Variants in PEX11G observed in about 807,000 individuals in gnomAD.
PEX11G encodes peroxisomal membrane protein 11C.
In PEX11G, 20 loss-of-function variants were observed where a neutral mutation model predicts 22.5. The observed-to-expected ratio is 0.89, with a 90% CI of 0.62 to 1.29. The LOEUF (loss-of-function observed/expected upper bound fraction) is 1.29, where lower values mean the gene tolerates loss of function less well. PEX11G is among the 50% of genes most tolerant of loss of function. PEX11G has a pLI of 0.00. For missense variants in PEX11G, 347 were observed against 331.3 expected, an observed-to-expected ratio of 1.05 and a Z score of -0.37; for synonymous variants, 141 against 154.5, an observed-to-expected ratio of 0.91 and a Z score of 0.65.
chr19:7,483,049 C>G (rs1486562192), intron 2 of PEX11G, among the ~76,000 whole-genome samples: 1 of 152,170 alleles, frequency 6.6e-6, no homozygotes, highest in Non-Finnish European at 1.5e-5. Flanking sequence ...GCCCCGCAGC[C>G]AACCGGGGGA....
chr19:7,481,146 C>T (rs575830584), intron 3 of PEX11G, among the ~76,000 whole-genome samples: 1 of 152,154 alleles, frequency 6.6e-6, no homozygotes, highest in African/African-American at 2.4e-5. Context: ...TGTCCTGAAC[C>T]TGTCAACATG....
upstream of PEX11G, among the ~76,000 whole-genome samples, chr19:7,493,763 T>C (rs1185847654): frequency 4.0e-5 from 6 of 150,684 alleles, no homozygotes; most frequent in African/African-American, 1.5e-4. Flanking sequence ...CCCAATACTT[T>C]GGGAGGCCAA....
At chr19:7,490,327 A>AT (rs557189344), upstream of PEX11G, among the ~76,000 whole-genome samples, 58 of 146,004 alleles carry the variant, frequency 4.0e-4, no homozygotes, top group South Asian at 1.3e-3. Flanking sequence ...TCCCTTGTTA[A>AT]TTTTTTTTTT....
At chr19:7,489,350 G>C, upstream of PEX11G, 1 of 1,098,022 alleles carries the variant, frequency 9.1e-7, no homozygotes, top group Non-Finnish European at 1.1e-6. Context: ...CCACCAACCT[G>C]TTCGCAGTGG....
chr19:7,478,835 A>G (rs1307505349), intron 3 of PEX11G, among the ~76,000 whole-genome samples: 1 of 152,162 alleles, frequency 6.6e-6, no homozygotes, highest in Non-Finnish European at 1.5e-5. Flanking sequence ...CCCCCTGCAC[A>G]CACACCCCGG....
chr19:7,487,047 A>G (rs2021693109), intron 1 of PEX11G, among the ~76,000 whole-genome samples: 1 of 151,492 alleles, frequency 6.6e-6, no homozygotes, highest in African/African-American at 2.4e-5. Context: ...ACCCTGTCTA[A>G]AAAAAGAAAA....
chr19:7,494,332 C>T (rs540635596), intron 1 of PEX11G, among the ~76,000 whole-genome samples: 4 of 152,236 alleles, frequency 2.6e-5, no homozygotes, highest in African/African-American at 4.8e-5. Flanking sequence ...GTGGAGGTTG[C>T]AGTGAACCGA....
chr19:7,477,578 G>A (rs1977281257), intron 4 of PEX11G, 142 bp from the exon 5 acceptor site: 2 of 643,304 alleles, frequency 3.1e-6, no homozygotes, highest in Admixed American at 7.8e-5. Context: ...TGGCCTCCCT[G>A]ACCATCCACA....
At position 7,478,215 on chromosome 19, in the gene PEX11G, C is replaced by T. The variant is rs1025174103; in HGVS notation, c.491+99G>A. On this transcript the variant is annotated intron_variant, in intron 4 of 4. Transcript: ENST00000221480. ...TGACTCCCCCATGACCTGAGCACAA[C>T]AGTCCCCAGCATGGGCCTGCACAGG... 5.0e-5 allele frequency: 66 copies of T among 1,315,924 alleles called. No individual in the cohort carries two copies. In the Admixed American group the frequency reaches 6.0e-4, roughly 12 times the overall value. 81.5% of individuals were successfully genotyped at this position (1,315,924 alleles called of 1,614,324 possible).
intron 2 of PEX11G, among the ~76,000 whole-genome samples, chr19:7,482,501 G>A (rs562578669): frequency 3.5e-4 from 53 of 152,314 alleles, no homozygotes; most frequent in Admixed American, 1.3e-3. Flanking sequence ...AATGCCAGCC[G>A]TGAGGATTCT....
chr19:7,488,818 T>G, intron 1 of PEX11G, 133 bp downstream of exon 1: 7 of 917,650 alleles, frequency 7.6e-6, no homozygotes, highest in Non-Finnish European at 1.2e-5. Flanking sequence ...GGGCACCGCA[T>G]TTGAGCCTAG....
upstream of PEX11G, among the ~76,000 whole-genome samples, chr19:7,489,847 A>T (rs1447816850): frequency 6.9e-6 from 1 of 145,750 alleles, no homozygotes; most frequent in Admixed American, 6.9e-5. Context: ...TTGTCTGGAG[A>T]CGTCTTTTTT....
intron 3 of PEX11G, among the ~76,000 whole-genome samples, chr19:7,481,481 C>A (rs1977487635): frequency 1.3e-5 from 2 of 152,224 alleles, no homozygotes; most frequent in South Asian, 4.1e-4. Flanking sequence ...GGATTACAGG[C>A]ATGAGCCACC....
intron 2 of PEX11G, chr19:7,483,317 G>C (rs535165372): frequency 2.7e-4 from 41 of 152,218 alleles, no homozygotes; most frequent in African/African-American, 9.2e-4. Flanking sequence ...GGCGCGTCCT[G>C]GCACATTGCC....
At chr19:7,491,633 A>G (rs2021892649), upstream of PEX11G, among the ~76,000 whole-genome samples, 1 of 151,802 alleles carries the variant, frequency 6.6e-6, no homozygotes, top group African/African-American at 2.4e-5. Context: ...CTCTTCCACC[A>G]AGCATAATAG....
At chr19:7,479,571 A>G (rs1366469668) in intron 3 of PEX11G, among the ~76,000 whole-genome samples, 1 of 152,246 alleles carries the variant, frequency 6.6e-6, no homozygotes, top group Non-Finnish European at 1.5e-5. Context: ...CCTGGGCCTT[A>G]GGGCAGATGT....
At chr19:7,491,847 GCGGT>G, upstream of PEX11G, among the ~76,000 whole-genome samples, 1 of 151,494 alleles carries the variant, frequency 6.6e-6, no homozygotes, top group Admixed American at 6.6e-5. Flanking sequence ...TTGTAGAGAT[GCGGT>G]CTCGCTATGT....
At chr19:7,477,669 ACTC>A (rs1977287262) in intron 4 of PEX11G, among the ~76,000 whole-genome samples, 1 of 151,552 alleles carries the variant, frequency 6.6e-6, no homozygotes, top group African/African-American at 2.4e-5. Flanking sequence ...TCCACACCTC[ACTC>A]CTCGTCCTGA....
At chr19:7,477,570 G>A (rs992224552) in intron 4 of PEX11G, 134 bp from the exon 5 acceptor site, 107 of 709,896 alleles carry the variant, frequency 1.5e-4, no homozygotes, top group Non-Finnish European at 2.2e-4. Context: ...GACTGAGGTG[G>A]CCTCCCTGAC....
Sources: gnomAD v4.1 joint callset for allele counts (sites outside exome capture counted in the v4.1 genomes callset) on GRCh38, gnomAD v4.1.1 for gene constraint, MANE v1.5 for transcripts, NCBI Gene and HGNC (gene_info 2026-07-23, HGNC 2026-07-21) for gene names.